ANKRD36C: variants seen among roughly 807,000 people sequenced by gnomAD.
ANKRD36C encodes ankyrin repeat domain-containing protein 36C.
In ANKRD36C, 61 loss-of-function variants were observed where a neutral mutation model predicts 276.4. The observed-to-expected ratio is 0.22, with a 90% CI of 0.18 to 0.27. The LOEUF (loss-of-function observed/expected upper bound fraction) is 0.27. Among genes scored for constraint, ANKRD36C ranks in the 10% least tolerant of loss-of-function variants. ANKRD36C has a pLI of 1.00. For synonymous variants in ANKRD36C, 483 were observed against 680.1 expected (o/e 0.71, Z 4.51); for missense variants, 1,447 against 2,032.3 (o/e 0.71, Z 5.54).
At chr2:95,864,167 G>A (rs1271041666) in intron 60 of ANKRD36C, among the ~76,000 whole-genome samples, 12 of 152,020 alleles carry the variant, frequency 7.9e-5, no homozygotes, top group Admixed American at 7.2e-4. Flanking sequence ...AATTCTAAAT[G>A]AGACTTTAGT....
intron 58 of ANKRD36C, among the ~76,000 whole-genome samples, chr2:95,878,082 G>A (rs1675994643): frequency 6.7e-6 from 1 of 148,372 alleles, no homozygotes; most frequent in South Asian, 2.2e-4. Flanking sequence ...TACTCAGGGG[G>A]CTGAGGCAGG....
At chr2:95,920,925 C>T (rs1269094362) in intron 34 of ANKRD36C, among the ~76,000 whole-genome samples, 1 of 149,746 alleles carries the variant, frequency 6.7e-6, no homozygotes, top group Non-Finnish European at 1.5e-5. Context: ...TCTCTGATGC[C>T]TAATAGTAAC....
exon 3 of ANKRD36C, chr2:95,986,821 A>T: frequency 1.2e-6 from 2 of 1,611,976 alleles, no homozygotes; most frequent in Non-Finnish European, 1.7e-6. Flanking sequence ...TTCATTATAC[A>T]CAGCGTAGTG....
chr2:95,910,402 T>C (rs1334043862), intron 42 of ANKRD36C: 1 of 1,550,658 alleles, frequency 6.4e-7, no homozygotes, highest in Non-Finnish European at 8.7e-7. Flanking sequence ...ATCCTTTTCT[T>C]CTCTGGCTAT....
chr2:95,922,077 G>T (rs1027179793), intron 32 of ANKRD36C, among the ~76,000 whole-genome samples: 1 of 151,522 alleles, frequency 6.6e-6, no homozygotes, highest in African/African-American at 2.4e-5. Context: ...TATCAAAAAG[G>T]GTATGCCAAG....
intron 6 of ANKRD36C, among the ~76,000 whole-genome samples, chr2:95,966,130 A>C (rs199824286): frequency 7.6e-6 from 1 of 131,616 alleles, no homozygotes; most frequent in Non-Finnish European, 1.7e-5. Flanking sequence ...GGTACCCCAC[A>C]CACACTCCCA....
chr2:95,965,963 A>G (rs1678582307), intron 6 of ANKRD36C, among the ~76,000 whole-genome samples: 1 of 152,150 alleles, frequency 6.6e-6, no homozygotes, highest in Admixed American at 6.6e-5. Flanking sequence ...TTTTAAAAAA[A>G]ATTTAATTCA....
At chr2:95,902,863 A>G (rs1228881836) in intron 42 of ANKRD36C, 23 bp downstream of exon 54, 4 of 1,550,878 alleles carry the variant, frequency 2.6e-6, no homozygotes, top group East Asian at 2.4e-5. Context: ...TGAACATGAC[A>G]TTAAATCTCT....
chr2:95,980,533 C>T, intron 5 of ANKRD36C, 115 bp downstream of exon 5: 7 of 1,380,270 alleles, frequency 5.1e-6, no homozygotes, highest in Non-Finnish European at 6.7e-6. Context: ...AAATTTGTCA[C>T]TTGAAAACTA....
intron 19 of ANKRD36C, 105 bp from the exon 20 acceptor site, chr2:95,941,304 A>G (rs1677885325): frequency 8.2e-7 from 1 of 1,223,794 alleles, no homozygotes; most frequent in South Asian, 2.9e-5. Context: ...CATAAGGTCT[A>G]TACTGGAAAA....
chr2:95,916,301 T>C (rs1366079365), intron 36 of ANKRD36C, 130 bp from the exon 39 acceptor site: 29 of 1,482,428 alleles, frequency 2.0e-5, no homozygotes, highest in Non-Finnish European at 2.5e-5. Context: ...GCTTCTACTT[T>C]GTGTCTGGGG....
intron 22 of ANKRD36C, among the ~76,000 whole-genome samples, chr2:95,937,729 A>C (rs62153759): frequency 2.6e-3 from 268 of 102,954 alleles, no homozygotes; most frequent in Middle Eastern, 0.016. Flanking sequence ...TCAGAGTCAT[A>C]ACATGATGGA....
At chr2:95,988,150 C>CA (rs201835162) in intron 1 of ANKRD36C, among the ~76,000 whole-genome samples, 45,151 of 105,190 alleles carry the variant, frequency 0.43, 7,942 homozygotes, top group East Asian at 0.56. Context: ...AAAAAGAAGG[C>CA]AAAAAAAAAA....
At chr2:95,937,123 C>A (rs1300747360) in intron 22 of ANKRD36C, among the ~76,000 whole-genome samples, 1 of 68 alleles carries the variant, frequency 0.015, no homozygotes, top group African/African-American at 0.17. Context: ...TGTACACAAA[C>A]TTTTTGTGAA....
At chr2:95,893,372 A>T (rs553408201) in intron 44 of ANKRD36C, among the ~76,000 whole-genome samples, 161 bp downstream of exon 64, 51 of 151,378 alleles carry the variant, frequency 3.4e-4, no homozygotes, top group African/African-American at 9.7e-4. Flanking sequence ...GTTCCAGACC[A>T]GCAGCATCAG....
At chr2:95,868,437 C>A (rs1055340747) in intron 59 of ANKRD36C, among the ~76,000 whole-genome samples, 11 of 152,094 alleles carry the variant, frequency 7.2e-5, no homozygotes, top group Admixed American at 2.6e-4. Context: ...TGCCTCACAA[C>A]CTATTTGTCT....
exon 5 of ANKRD36C, chr2:95,980,670 C>T: frequency 6.2e-7 from 1 of 1,612,714 alleles, no homozygotes; most frequent in Non-Finnish European, 8.5e-7. Flanking sequence ...GCCTCGCTGG[C>T]ATAATCTTCT....
chr2:95,886,140 A>G lies in ANKRD36C; in HGVS notation c.3091-20T>C. On this transcript the variant is annotated intron_variant, in intron 51 of 66. Transcript: ENST00000456556. ...TGTAGCCTGAATGGGATTTGAAACA[A>G]AATAATCAATACATAAAGTATATAT... 1.9e-6 allele frequency: 3 copies of G among 1,596,960 alleles called. No individual in the cohort carries two copies. The highest frequency in any genetic ancestry group is 8.5e-7 in the Non-Finnish European group (1 of 1,170,460).
intron 6 of ANKRD36C, among the ~76,000 whole-genome samples, chr2:95,972,342 T>C (rs1425283167): frequency 1.3e-5 from 2 of 152,340 alleles, no homozygotes; most frequent in Non-Finnish European, 2.9e-5. Context: ...CCTGGGATAC[T>C]GTGTAAGTCT....
Sources: allele counts gnomAD v4.1 joint callset (sites outside exome capture counted in the v4.1 genomes callset), GRCh38; gene constraint gnomAD v4.1.1; transcripts MANE v1.5; gene names NCBI Gene and HGNC (gene_info 2026-07-23, HGNC 2026-07-21).